The following DENND6A variants were observed in gnomAD, a reference collection of about 807,000 sequenced individuals.
DENND6A encodes protein DENND6A.
A neutral mutation model predicts 95.5 loss-of-function variants in DENND6A; 43 were observed. The ratio of observed to expected loss-of-function variants is 0.45; its 90% CI spans 0.35 to 0.58. DENND6A has a LOEUF of 0.58. Ranked by LOEUF, DENND6A falls within the 20% of genes least tolerant of loss-of-function variation. The pLI, the probability that DENND6A is intolerant of heterozygous loss-of-function variation, is 0.00. For synonymous variants in DENND6A, 257 were observed against 260.4 expected (o/e 0.99, Z 0.13); for missense variants, 574 against 736.0 (o/e 0.78, Z 2.55).
At chr3:57,669,848 C>G (rs1234702147) in intron 3 of DENND6A, among the ~76,000 whole-genome samples, 1 of 151,486 alleles carries the variant, frequency 6.6e-6, no homozygotes, top group Non-Finnish European at 1.5e-5. Context: ...ACAGTGAAAC[C>G]CCATCTCTAC....
intron 1 of DENND6A, among the ~76,000 whole-genome samples, chr3:57,682,494 CA>C (rs1485507715): frequency 6.6e-6 from 1 of 152,032 alleles, no homozygotes; most frequent in African/African-American, 2.4e-5. Context: ...TTCCATCCAG[CA>C]GGGGAAATAA....
chr3:57,628,511 C>T (rs1037809447), intron 19 of DENND6A, among the ~76,000 whole-genome samples, 166 bp from the exon 20 acceptor site: 1 of 152,058 alleles, frequency 6.6e-6, no homozygotes, highest in Non-Finnish European at 1.5e-5. Context: ...TTAAACAATT[C>T]GTTATTGAGC....
chr3:57,664,028 A>T (rs1414453151), intron 4 of DENND6A, among the ~76,000 whole-genome samples: 1 of 59,918 alleles, frequency 1.7e-5, no homozygotes, highest in African/African-American at 3.7e-5. Flanking sequence ...CTAAGTACTA[A>T]AGTCAAATTT....
At chr3:57,639,855 T>C (rs927537078) in intron 12 of DENND6A, among the ~76,000 whole-genome samples, 35 of 152,214 alleles carry the variant, frequency 2.3e-4, no homozygotes, top group Admixed American at 2.0e-4. Context: ...TTTAAAATGT[T>C]ATCCTTGATT....
chr3:57,673,237 G>GA (rs1429355202), intron 1 of DENND6A, among the ~76,000 whole-genome samples: 3 of 116,846 alleles, frequency 2.6e-5, no homozygotes, highest in African/African-American at 9.3e-5. Flanking sequence ...AAAAAAGAAA[G>GA]AAAAAGAAAA....
chr3:57,652,548 C>T (rs892649975), intron 9 of DENND6A, among the ~76,000 whole-genome samples: 1 of 152,186 alleles, frequency 6.6e-6, no homozygotes, highest in Non-Finnish European at 1.5e-5. Flanking sequence ...AATGTTTGTT[C>T]TTTTAAGCCT....
intron 9 of DENND6A, among the ~76,000 whole-genome samples, chr3:57,655,987 T>A (rs183355651): frequency 6.6e-6 from 1 of 152,378 alleles, no homozygotes; most frequent in Admixed American, 6.5e-5. Context: ...CTTCTTAGTA[T>A]ATTTTGCCTG....
At chr3:57,674,839 G>A (rs547475660) in intron 1 of DENND6A, among the ~76,000 whole-genome samples, 58 of 152,296 alleles carry the variant, frequency 3.8e-4, no homozygotes, top group Middle Eastern at 3.4e-3. Context: ...GATGAAGCTG[G>A]AGGCTATTAT....
rs1009487613 is a variant in DENND6A, at chr3:57,627,235, C to G, written c.*979G>C. The G allele has an allele frequency of 6.6e-6, 1 of 152,174 alleles. No homozygotes were observed. Among genetic ancestry groups the G allele is most frequent in the Non-Finnish European group, 1.5e-5 (1 of 68,058 alleles). 9.4% of individuals were successfully genotyped at this position (152,174 alleles called of 1,614,324 possible). A position where few individuals can be genotyped will look rare whatever the true frequency, so the allele number is the denominator to read the frequency against. On this transcript the variant is annotated 3_prime_UTR_variant, in exon 20 of 20. Transcript: ENST00000311128. ...CTCAGCTCACTGCAACCTCCGCCTC[C>G]CAGGTTCAAGTGATTCTCACATCTC...
At chr3:57,630,684 C>T (rs368985744) in intron 17 of DENND6A, 31 bp downstream of exon 17, 29 of 1,596,452 alleles carry the variant, frequency 1.8e-5, no homozygotes, top group Non-Finnish European at 2.4e-5. Flanking sequence ...AAGCACGACA[C>T]ATGGGTGTAA....
chr3:57,676,864 C>A (rs1336379861), intron 1 of DENND6A, among the ~76,000 whole-genome samples: 1 of 151,800 alleles, frequency 6.6e-6, no homozygotes, highest in East Asian at 1.9e-4. Flanking sequence ...CGCTCTGTCA[C>A]CCAGGCTGGA....
At position 57,666,192 on chromosome 3, in the gene DENND6A, A is replaced by T. The variant is rs771280355; in HGVS notation, c.363T>A (p.Ser121=). 2 of 1,614,016 alleles carry T rather than the reference A, an allele frequency of 1.2e-6. No individual in the cohort carries two copies. The highest frequency in any genetic ancestry group is 2.2e-5 in the South Asian group (2 of 91,066). Residue 121 remains serine, a synonymous_variant, in exon 4 of 20, where the codon TCT becomes TCA. Transcript: ENST00000311128. Reference sequence around the variant, plus strand: ...AATGCAGCGACACCCTCCTCCCAGAAGACTGTCGAAATCTAAAACAAAACT... The same window carrying T: ...AATGCAGCGACACCCTCCTCCCAGATGACTGTCGAAATCTAAAACAAAACT... ...DTQFCFRFRQ[S]SGRRVSLHCL...
intron 12 of DENND6A, among the ~76,000 whole-genome samples, chr3:57,640,081 C>G (rs1354035548): frequency 6.6e-6 from 1 of 150,806 alleles, no homozygotes; most frequent in Non-Finnish European, 1.5e-5. Flanking sequence ...CCAAACTGGC[C>G]AACATGGTGA....
At chr3:57,660,926 T>A in intron 6 of DENND6A, 87 bp from the exon 7 acceptor site, 1 of 1,169,580 alleles carries the variant, frequency 8.6e-7, no homozygotes, top group Non-Finnish European at 1.2e-6. Context: ...AACACTACTT[T>A]CCATACAGCA....
intron 4 of DENND6A, 139 bp from the exon 5 acceptor site, chr3:57,663,855 A>G (rs1186431346): frequency 1.4e-5 from 6 of 431,890 alleles, no homozygotes; most frequent in African/African-American, 1.2e-4. Flanking sequence ...ATACACGAAG[A>G]GCTAGTTACG....
intron 5 of DENND6A, among the ~76,000 whole-genome samples, chr3:57,663,084 G>C (rs2071455089): frequency 7.1e-6 from 1 of 141,056 alleles, no homozygotes; most frequent in African/African-American, 2.7e-5. Context: ...CTGGGAGGCA[G>C]AAGTTGCAGT....
chr3:57,649,091 A>G (rs1161307604), intron 9 of DENND6A, among the ~76,000 whole-genome samples: 2 of 152,214 alleles, frequency 1.3e-5, no homozygotes, highest in Non-Finnish European at 2.9e-5. Flanking sequence ...ATAGGAGAAA[A>G]TCTTCACAAT....
intron 3 of DENND6A, 91 bp from the exon 4 acceptor site, chr3:57,666,326 A>C (rs2071523985): frequency 5.8e-6 from 6 of 1,037,080 alleles, no homozygotes; most frequent in Non-Finnish European, 7.0e-6. Flanking sequence ...AAATCCTATC[A>C]ATCATTTTAA....
chr3:57,679,037 G>A (rs2077135280), intron 1 of DENND6A, among the ~76,000 whole-genome samples: 1 of 152,228 alleles, frequency 6.6e-6, no homozygotes, highest in Admixed American at 6.5e-5. Context: ...CCAGAAGGTG[G>A]AGGTTGCAGT....
Sources: allele counts gnomAD v4.1 joint callset (sites outside exome capture counted in the v4.1 genomes callset), GRCh38; gene constraint gnomAD v4.1.1; transcripts MANE v1.5; gene names NCBI Gene and HGNC (gene_info 2026-07-23, HGNC 2026-07-21).